SLC7A1: variants seen among roughly 807,000 people sequenced by gnomAD.
SLC7A1 encodes high affinity cationic amino acid transporter 1.
In SLC7A1, 10 loss-of-function variants were observed where a neutral mutation model predicts 53.9. The observed-to-expected ratio is 0.19, with a 90% CI of 0.11 to 0.31. The LOEUF is 0.31. Among genes scored for constraint, SLC7A1 ranks in the 10% least tolerant of loss-of-function variants. SLC7A1 has a pLI of 1.00. For synonymous variants in SLC7A1, 342 were observed against 338.7 expected, an observed-to-expected ratio of 1.01 and a Z score of -0.11; for missense variants, 525 against 827.2, an observed-to-expected ratio of 0.63 and a Z score of 4.48.
intron 1 of SLC7A1, among the ~76,000 whole-genome samples, chr13:29,576,248 C>T (rs540018117): frequency 7.2e-5 from 10 of 138,488 alleles, no homozygotes; most frequent in African/African-American, 2.8e-4. Context: ...GCTGTGATCA[C>T]GCCACTGCAC....
At chr13:29,532,713 A>T (rs1362373380) in intron 4 of SLC7A1, 111 bp downstream of exon 4, 1 of 984,110 alleles carries the variant, frequency 1.0e-6, no homozygotes, top group East Asian at 2.5e-5. Flanking sequence ...AAACAAAAAG[A>T]AATGGGGGTT....
rs1883483036 is a variant in SLC7A1, at chr13:29,514,158, C to T, written c.*322G>A. ...CAAGATAAGGAGAGAAGGTGACCTC[C>T]GTTCTGCCTGAGGCTGCGGCAGCTC... On this transcript the variant is annotated 3_prime_UTR_variant, in exon 13 of 13. Coordinates refer to ENST00000380752, the MANE Select transcript of SLC7A1 (RefSeq NM_003045.5). 1.2e-5 allele frequency: 4 copies of T among 336,526 alleles called. No homozygotes were observed. Among genetic ancestry groups the T allele is most frequent in the Non-Finnish European group, 2.2e-5 (4 of 179,952 alleles). 20.8% of individuals were successfully genotyped at this position (336,526 alleles called of 1,614,324 possible). A position where few individuals can be genotyped will look rare whatever the true frequency, so the allele number is the denominator to read the frequency against.
intron 4 of SLC7A1, among the ~76,000 whole-genome samples, chr13:29,532,033 C>T (rs1487562693): frequency 1.3e-5 from 2 of 152,142 alleles, no homozygotes; most frequent in Non-Finnish European, 2.9e-5. Context: ...CTTTCTGATG[C>T]ATGTTTCTGC....
At position 29,513,659 on chromosome 13, in the gene SLC7A1, C is replaced by T. The variant is rs1883463707; in HGVS notation, c.*821G>A. The stretch of plus-strand genomic sequence containing the variant: ...CAGATACTGTCTCATGTTCCAGTTA[C>T]TCAGGACACAGCCAGTCGGGGGAGA... On this transcript the variant is annotated 3_prime_UTR_variant, in exon 13 of 13. Transcript: ENST00000380752. 1 of 152,740 alleles carries T rather than the reference C, an allele frequency of 6.5e-6. No individual in the cohort carries two copies. The allele number at this position is 152,740 out of a possible 1,614,324, so 9.5% of individuals were successfully genotyped here.
chr13:29,567,546 G>A (rs544923605), intron 1 of SLC7A1, among the ~76,000 whole-genome samples: 3 of 152,176 alleles, frequency 2.0e-5, no homozygotes, highest in Non-Finnish European at 2.9e-5. Context: ...CTGAATGTTC[G>A]GAATGCTCAA....
chr13:29,567,995 T>C (rs1205508716), intron 1 of SLC7A1, among the ~76,000 whole-genome samples: 1 of 152,036 alleles, frequency 6.6e-6, no homozygotes, highest in African/African-American at 2.4e-5. Flanking sequence ...AGGGGCAGGG[T>C]GGGCAGGCAC....
chr13:29,538,128 C>A (rs563390975), intron 2 of SLC7A1, among the ~76,000 whole-genome samples: 6 of 152,192 alleles, frequency 3.9e-5, no homozygotes, highest in Non-Finnish European at 8.8e-5. Context: ...GAATAAAAAT[C>A]ATCTGATCCT....
chr13:29,535,191 A>T (rs1869350302), intron 3 of SLC7A1, among the ~76,000 whole-genome samples: 1 of 152,250 alleles, frequency 6.6e-6, no homozygotes, highest in Non-Finnish European at 1.5e-5. Context: ...TAATAACAAC[A>T]GCAACAACAT....
At chr13:29,522,909 C>T (rs767149807) in intron 7 of SLC7A1, among the ~76,000 whole-genome samples, 1 of 152,162 alleles carries the variant, frequency 6.6e-6, no homozygotes, top group African/African-American at 2.4e-5. Context: ...GCACTTATTC[C>T]CTTCATCAAA....
At position 29,536,038 on chromosome 13, in the gene SLC7A1, A is replaced by G; in HGVS notation, c.151T>C (p.Tyr51His). ...CGGGCCACAGCTCCAGCCAGGACGT[A>G]GACACCAGCACCCAGTGTGCTGCCC... ...GVGSTLGAGV[Y>H]VLAGAVAREN... The change falls in exon 3 of 13, where the codon TAC becomes CAC. Residue 51 changes from tyrosine to histidine, a missense_variant. This residue lies in a region of SLC7A1 where 354 missense variants were observed against 587.5 expected (regional missense o/e 0.60). Coordinates refer to ENST00000380752, the MANE Select transcript of SLC7A1 (RefSeq NM_003045.5). 6.2e-7 allele frequency: 1 copy of G among 1,614,048 alleles called. No individual in the cohort carries two copies. Among genetic ancestry groups the G allele is most frequent in the Non-Finnish European group, 8.5e-7 (1 of 1,180,036 alleles).
chr13:29,530,711 T>C lies in SLC7A1; in HGVS notation c.531A>G (p.Gly177=), dbSNP rs2139093926. 1 of 1,613,290 alleles carries C rather than the reference T, an allele frequency of 6.2e-7. No homozygotes were observed. Among genetic ancestry groups the C allele is most frequent in the Non-Finnish European group, 8.5e-7 (1 of 1,179,582 alleles). Residue 177 remains glycine (G), a splice_region_variant and synonymous_variant, in exon 5 of 13, where the codon GGA becomes GGG. Transcript: ENST00000380752. ...FAVIIILILT[G]LLTLGVKESA... is the part of the protein sequence containing the mutation. ...ACTCTTTCACACCAAGAGTTAAAAG[T>C]CCTGAAAAAGTGCATAGACACAAAA... is the stretch of plus-strand genomic sequence containing the variant.
chr13:29,554,520 C>T (rs962865113), intron 1 of SLC7A1, among the ~76,000 whole-genome samples: 3 of 152,160 alleles, frequency 2.0e-5, no homozygotes, highest in Non-Finnish European at 2.9e-5. Flanking sequence ...CTGGTATGAA[C>T]GCAGCCTGAG....
At chr13:29,587,825 C>T (rs897946688) in intron 1 of SLC7A1, among the ~76,000 whole-genome samples, 3 of 152,206 alleles carry the variant, frequency 2.0e-5, no homozygotes, top group East Asian at 1.9e-4. Context: ...AGACAGGGGC[C>T]GGCTCCTCCC....
chr13:29,537,272 G>A (rs1367465574), intron 2 of SLC7A1, among the ~76,000 whole-genome samples: 2 of 152,232 alleles, frequency 1.3e-5, no homozygotes, highest in African/African-American at 4.8e-5. Flanking sequence ...CATGTTGGCA[G>A]AGCGATGTGA....
At chr13:29,528,337 C>T (rs976808942) in intron 5 of SLC7A1, among the ~76,000 whole-genome samples, 11 of 152,204 alleles carry the variant, frequency 7.2e-5, no homozygotes, top group African/African-American at 1.9e-4. Context: ...GGAATGCCAG[C>T]GGCAGCCTGA....
chr13:29,545,346 C>T (rs1161143677), intron 2 of SLC7A1, among the ~76,000 whole-genome samples: 2 of 152,180 alleles, frequency 1.3e-5, no homozygotes, highest in East Asian at 1.9e-4. Context: ...CTATCGCCCC[C>T]ATGCCACTGT....
At chr13:29,551,677 C>T (rs144993005) in intron 2 of SLC7A1, among the ~76,000 whole-genome samples, 68 of 152,188 alleles carry the variant, frequency 4.5e-4, no homozygotes, top group Non-Finnish European at 1.0e-4. Flanking sequence ...ACTGGGGCGG[C>T]GCGGGGAAGA....
intron 1 of SLC7A1, among the ~76,000 whole-genome samples, chr13:29,563,455 C>G (rs1042963620): frequency 2.0e-5 from 3 of 152,152 alleles, no homozygotes; most frequent in Admixed American, 1.3e-4. Flanking sequence ...TACAGGAAAG[C>G]GAAACTCTGT....
intron 6 of SLC7A1, among the ~76,000 whole-genome samples, chr13:29,523,773 T>C (rs917809503): frequency 1.3e-5 from 2 of 152,198 alleles, no homozygotes; most frequent in African/African-American, 2.4e-5. Context: ...AGAGAAAATC[T>C]GGGAGGCTCA....
Sources: gnomAD v4.1 joint callset for allele counts (sites outside exome capture counted in the v4.1 genomes callset) on GRCh38, gnomAD v4.1.1 for gene constraint, gnomAD v4.1.1 regional missense constraint, MANE v1.5 for transcripts, NCBI Gene and HGNC (gene_info 2026-07-23, HGNC 2026-07-21) for gene names.